The following TENM3 variants were observed in gnomAD, a reference collection of about 807,000 sequenced individuals.
TENM3 encodes the protein teneurin transmembrane protein 3, also known as teneurin-3.
TENM3 carries 63 observed loss-of-function variants against 255.1 expected under a neutral mutation model. That is an observed-to-expected ratio of 0.25 (90% CI 0.20 to 0.30). The LOEUF (loss-of-function observed/expected upper bound fraction) is 0.30. TENM3 is among the 10% of genes least tolerant of loss of function. The pLI is 1.00. For synonymous variants in TENM3, 1,306 were observed against 1,322.3 expected (o/e 0.99, Z 0.27); for missense variants, 2,929 against 3,461.1 (o/e 0.85, Z 3.86).
At chr4:182,032,304 T>C in the TENM3 span, among the ~76,000 whole-genome samples, 1 of 152,246 alleles carries the variant, frequency 6.6e-6, no homozygotes, top group Non-Finnish European at 1.5e-5. Context: ...TTTATTGAGA[T>C]AATCATGTGG....
intron 6 of TENM3, among the ~76,000 whole-genome samples, chr4:182,665,979 G>C (rs570965678): frequency 6.6e-6 from 1 of 151,996 alleles, no homozygotes; most frequent in African/African-American, 2.4e-5. Context: ...GAGGTCAAAA[G>C]ACTAACATTA....
the TENM3 span, among the ~76,000 whole-genome samples, chr4:181,647,715 G>A: frequency 0.091 from 13,900 of 152,190 alleles, 801 homozygotes; most frequent in East Asian, 0.16. Context: ...GAAAGGACAC[G>A]TCGTGGGATG....
At chr4:181,985,122 C>T in the TENM3 span, among the ~76,000 whole-genome samples, 2 of 151,606 alleles carry the variant, frequency 1.3e-5, no homozygotes, top group Non-Finnish European at 2.9e-5. Flanking sequence ...CAGAGGGATG[C>T]ATACATAAAG....
At chr4:181,719,537 G>A in the TENM3 span, among the ~76,000 whole-genome samples, 7 of 152,162 alleles carry the variant, frequency 4.6e-5, no homozygotes, top group Non-Finnish European at 8.8e-5. Context: ...GTCCTCACAC[G>A]GTGGAAGCGC....
the TENM3 span, among the ~76,000 whole-genome samples, chr4:181,730,475 C>A: frequency 1.3e-5 from 2 of 152,156 alleles, no homozygotes; most frequent in Non-Finnish European, 2.9e-5. Flanking sequence ...CTGTAGGTAA[C>A]TTTGTTCCCG....
intron 6 of TENM3, among the ~76,000 whole-genome samples, chr4:182,661,192 A>ATTTTTT (rs35208231): frequency 1.7e-4 from 15 of 88,594 alleles, no homozygotes; most frequent in African/African-American, 1.9e-4. Context: ...TTAAATTTTA[A>ATTTTTT]TTTTTTTTTT....
the TENM3 span, among the ~76,000 whole-genome samples, chr4:181,849,233 G>A: frequency 6.6e-6 from 1 of 152,148 alleles, no homozygotes; most frequent in Admixed American, 6.5e-5. Context: ...TAGTATAACT[G>A]AAATGGCTAT....
At chr4:182,695,172 G>A (rs1757306259) in intron 12 of TENM3, among the ~76,000 whole-genome samples, 2 of 152,138 alleles carry the variant, frequency 1.3e-5, no homozygotes, top group African/African-American at 4.8e-5. Flanking sequence ...GAGGCATTTG[G>A]CTTCACATCA....
At chr4:182,159,141 C>G (rs548898368) in intron 1 of TENM3, among the ~76,000 whole-genome samples, 1 of 152,098 alleles carries the variant, frequency 6.6e-6, no homozygotes, top group Non-Finnish European at 1.5e-5. Flanking sequence ...GTGCCTGGCC[C>G]GGGGCCCCCA....
At chr4:181,738,972 G>A in the TENM3 span, among the ~76,000 whole-genome samples, 7 of 151,986 alleles carry the variant, frequency 4.6e-5, no homozygotes, top group East Asian at 3.9e-4. Context: ...TACCTCTCTC[G>A]AGTCCCTATA....
At chr4:182,414,361 G>C (rs1177365105) in intron 3 of TENM3, among the ~76,000 whole-genome samples, 1 of 151,966 alleles carries the variant, frequency 6.6e-6, no homozygotes, top group Non-Finnish European at 1.5e-5. Flanking sequence ...GTTAAATTTT[G>C]CAAAGTACTT....
At chr4:182,736,241 T>C (rs1264472020) in intron 16 of TENM3, among the ~76,000 whole-genome samples, 2 of 152,234 alleles carry the variant, frequency 1.3e-5, no homozygotes, top group African/African-American at 4.8e-5. Context: ...ACTGTCTTTA[T>C]AGGCTGTGAC....
the TENM3 span, among the ~76,000 whole-genome samples, chr4:181,834,028 A>C: frequency 6.6e-6 from 1 of 152,138 alleles, no homozygotes; most frequent in Non-Finnish European, 1.5e-5. Context: ...TAAGGAAAAG[A>C]CCAATTGTAT....
At chr4:182,688,409 T>G in intron 12 of TENM3, 58 bp downstream of exon 12, 407 of 1,322,962 alleles carry the variant, frequency 3.1e-4, no homozygotes, top group Non-Finnish European at 3.8e-4. Flanking sequence ...GCACCGACGG[T>G]CAGCTGTTTT....
intron 1 of TENM3, among the ~76,000 whole-genome samples, chr4:182,189,972 A>T (rs1753408849): frequency 6.6e-6 from 1 of 152,104 alleles, no homozygotes. Flanking sequence ...TTGTTTTGGG[A>T]ATTCTAATTT....
At chr4:182,090,619 A>C in the TENM3 span, among the ~76,000 whole-genome samples, 3 of 152,196 alleles carry the variant, frequency 2.0e-5, no homozygotes, top group Admixed American at 6.5e-5. Context: ...AGAACCATAT[A>C]TATACGTGTA....
chr4:182,255,720 G>C (rs1209474234), intron 1 of TENM3, among the ~76,000 whole-genome samples: 2 of 152,200 alleles, frequency 1.3e-5, no homozygotes, highest in Admixed American at 1.3e-4. Context: ...TTGGGCTTAT[G>C]TGTATGGGGA....
At chr4:181,906,914 T>A in the TENM3 span, among the ~76,000 whole-genome samples, 988 of 152,280 alleles carry the variant, frequency 6.5e-3, 17 homozygotes, top group East Asian at 0.056. Flanking sequence ...AGTCTCACTA[T>A]GTCGCCCAGG....
chr4:182,798,273 G>T (rs2152837967), intron 27 of TENM3, among the ~76,000 whole-genome samples: 1 of 152,278 alleles, frequency 6.6e-6, no homozygotes, highest in South Asian at 2.1e-4. Context: ...CTACTGAAGG[G>T]CTAGGATTAC....
Sources: gnomAD v4.1 joint callset for allele counts (sites outside exome capture counted in the v4.1 genomes callset) on GRCh38, gnomAD v4.1.1 for gene constraint, MANE v1.5 for transcripts, NCBI Gene and HGNC (gene_info 2026-07-23, HGNC 2026-07-21) for gene names.